TBC1D32: variants seen among roughly 807,000 people sequenced by gnomAD.
The protein encoded by TBC1D32 is protein broad-minded.
In TBC1D32, 151 loss-of-function variants were observed where a neutral mutation model predicts 170.3. The observed-to-expected ratio is 0.89, with a 90% confidence interval of 0.78 to 1.01. The LOEUF is 1.01. Among genes scored for constraint, TBC1D32 ranks in the 50% least tolerant of loss-of-function variants. TBC1D32 has a pLI of 0.00. For missense variants in TBC1D32, 1,464 were observed against 1,457.1 expected, an observed-to-expected ratio of 1.00 and a Z score of -0.08; for synonymous variants, 498 against 488.0, an observed-to-expected ratio of 1.02 and a Z score of -0.27.
chr6:121,177,890 G>A (rs184419409), intron 22 of TBC1D32, among the ~76,000 whole-genome samples: 1 of 152,198 alleles, frequency 6.6e-6, no homozygotes, highest in East Asian at 1.9e-4. Context: ...AGGAGATGAG[G>A]TCAAAACAAT....
intron 19 of TBC1D32, among the ~76,000 whole-genome samples, chr6:121,239,669 TA>T (rs1796704556): frequency 6.6e-6 from 1 of 152,126 alleles, no homozygotes; most frequent in Admixed American, 6.6e-5. Flanking sequence ...TTTTTTTTTG[TA>T]ATTCCATACA....
intron 22 of TBC1D32, among the ~76,000 whole-genome samples, chr6:121,194,141 G>T (rs1427849091): frequency 2.6e-5 from 4 of 152,156 alleles, no homozygotes; most frequent in African/African-American, 9.7e-5. Flanking sequence ...GCTTATGGAG[G>T]TCAGGTAATT....
intron 22 of TBC1D32, among the ~76,000 whole-genome samples, chr6:121,162,290 T>C (rs900808056): frequency 1.3e-5 from 2 of 152,224 alleles, no homozygotes; most frequent in African/African-American, 2.4e-5. Flanking sequence ...CTGAATGGTA[T>C]TGCCTAGATT....
chr6:121,239,049 A>G, intron 20 of TBC1D32, 21 bp downstream of exon 20: 1 of 1,342,146 alleles, frequency 7.5e-7, no homozygotes, highest in South Asian at 1.3e-5. Flanking sequence ...TCTGTGTATT[A>G]TTAGTCAAAT....
chr6:121,085,258 C>CACATATATAT (rs2128169604), intron 31 of TBC1D32, among the ~76,000 whole-genome samples: 1 of 145,494 alleles, frequency 6.9e-6, no homozygotes, highest in African/African-American at 2.5e-5. Context: ...TATATATATA[C>CACATATATAT]ACATATATAC....
chr6:121,169,238 A>G (rs1786600633), intron 22 of TBC1D32, among the ~76,000 whole-genome samples: 1 of 152,218 alleles, frequency 6.6e-6, no homozygotes, highest in Non-Finnish European at 1.5e-5. Context: ...CCAATGGAAC[A>G]GAATAGAGAA....
At chr6:121,084,149 C>G (rs1046515229) in intron 31 of TBC1D32, among the ~76,000 whole-genome samples, 1 of 152,120 alleles carries the variant, frequency 6.6e-6, no homozygotes, top group Non-Finnish European at 1.5e-5. Context: ...GCACCTTAGA[C>G]TCCTCCATGT....
At chr6:121,258,888 C>T (rs185152129) in intron 15 of TBC1D32, among the ~76,000 whole-genome samples, 203 of 151,838 alleles carry the variant, frequency 1.3e-3, no homozygotes, top group South Asian at 8.7e-3. Flanking sequence ...AGAATCTATA[C>T]TTTTAACTGG....
chr6:121,113,623 T>G (rs1011222293), intron 27 of TBC1D32, among the ~76,000 whole-genome samples: 4 of 152,160 alleles, frequency 2.6e-5, no homozygotes, highest in African/African-American at 9.7e-5. Flanking sequence ...CTACTGGTAC[T>G]TAATGAGCAA....
chr6:121,258,177 GCT>G (rs977307194), intron 15 of TBC1D32, among the ~76,000 whole-genome samples: 7 of 151,444 alleles, frequency 4.6e-5, no homozygotes, highest in Non-Finnish European at 7.4e-5. Flanking sequence ...TTACTTATTT[GCT>G]CTGTTATAAT....
chr6:121,214,393 C>T (rs930081146), intron 21 of TBC1D32, among the ~76,000 whole-genome samples: 1 of 152,106 alleles, frequency 6.6e-6, no homozygotes, highest in African/African-American at 2.4e-5. Flanking sequence ...CCATGCCTGC[C>T]CAGGATGAGC....
chr6:121,283,334 A>G (rs543484113), intron 13 of TBC1D32, among the ~76,000 whole-genome samples: 1 of 152,064 alleles, frequency 6.6e-6, no homozygotes, highest in African/African-American at 2.4e-5. Context: ...GTCAACAGCC[A>G]TAAAACTAAA....
intron 20 of TBC1D32, among the ~76,000 whole-genome samples, chr6:121,235,394 C>T (rs561389398): frequency 6.6e-6 from 1 of 152,254 alleles, no homozygotes; most frequent in East Asian, 1.9e-4. Context: ...CGTGTCTGAG[C>T]TCAGCCTCTC....
At chr6:121,126,904 G>A (rs921047731) in intron 25 of TBC1D32, among the ~76,000 whole-genome samples, 2 of 152,014 alleles carry the variant, frequency 1.3e-5, no homozygotes, top group African/African-American at 4.8e-5. Context: ...TGCAACTGAC[G>A]GTATCTATTC....
chr6:121,138,855 T>G (rs910047481), intron 24 of TBC1D32, among the ~76,000 whole-genome samples: 1 of 151,782 alleles, frequency 6.6e-6, no homozygotes, highest in Non-Finnish European at 1.5e-5. Flanking sequence ...TTTCTTTTTT[T>G]TTTTTTTGAG....
intron 9 of TBC1D32, among the ~76,000 whole-genome samples, chr6:121,300,338 T>A (rs1806274334): frequency 6.6e-6 from 1 of 152,008 alleles, no homozygotes; most frequent in Non-Finnish European, 1.5e-5. Flanking sequence ...TCCCAGCTAC[T>A]CAGGAGGCTG....
chr6:121,270,814 G>A (rs565853455), intron 15 of TBC1D32, among the ~76,000 whole-genome samples: 41 of 151,696 alleles, frequency 2.7e-4, no homozygotes, highest in Non-Finnish European at 5.0e-4. Context: ...ACAAAAACAG[G>A]GAATTTTAGA....
intron 30 of TBC1D32, among the ~76,000 whole-genome samples, chr6:121,095,756 C>A (rs1400313410): frequency 6.6e-6 from 1 of 152,124 alleles, no homozygotes; most frequent in African/African-American, 2.4e-5. Context: ...TATGTTGAAC[C>A]AGTCTTGCAT....
intron 14 of TBC1D32, among the ~76,000 whole-genome samples, chr6:121,280,353 A>G (rs1006718300): frequency 6.6e-6 from 1 of 151,790 alleles, no homozygotes; most frequent in African/African-American, 2.4e-5. Context: ...ATTCACTTCT[A>G]TATTTGCAGT....
Sources: gnomAD v4.1 joint callset for allele counts (sites outside exome capture counted in the v4.1 genomes callset) on GRCh38, gnomAD v4.1.1 for gene constraint, MANE v1.5 for transcripts, NCBI Gene and HGNC (gene_info 2026-07-23, HGNC 2026-07-21) for gene names.